KIF13A: variants seen among roughly 807,000 people sequenced by gnomAD.
KIF13A encodes the protein kinesin family member 13A.
A neutral mutation model predicts 212.2 loss-of-function variants in KIF13A; 79 were observed. That is an observed-to-expected ratio of 0.37 (90% confidence interval 0.31 to 0.45). The LOEUF (loss-of-function observed/expected upper bound fraction) is 0.45, where lower values mean the gene tolerates loss of function less well. Ranked by LOEUF, KIF13A falls within the 20% of genes least tolerant of loss-of-function variation. The pLI is 1.00. For synonymous variants in KIF13A, 789 were observed against 808.6 expected (o/e 0.98, Z 0.41); for missense variants, 1,901 against 2,209.0 (o/e 0.86, Z 2.79).
intron 2 of KIF13A, among the ~76,000 whole-genome samples, chr6:17,910,985 G>C (rs999633651): frequency 6.6e-6 from 1 of 152,030 alleles, no homozygotes; most frequent in Non-Finnish European, 1.5e-5. Flanking sequence ...GGATGGTCTC[G>C]ATCTCCCGAC....
intron 2 of KIF13A, among the ~76,000 whole-genome samples, chr6:17,983,511 G>A (rs921580474): frequency 2.5e-5 from 1 of 39,994 alleles, no homozygotes; most frequent in Non-Finnish European, 4.8e-5. Flanking sequence ...TTTTTTTTTT[G>A]AGATGCAGTC....
At chr6:17,980,275 T>G (rs762650079) in intron 2 of KIF13A, among the ~76,000 whole-genome samples, 1 of 152,026 alleles carries the variant, frequency 6.6e-6, no homozygotes, top group Admixed American at 6.6e-5. Context: ...ATAAGGTGAG[T>G]AGGTAGAATT....
rs1761323440 is a variant in KIF13A at position 17,789,162 on chromosome 6, C to T, written c.3261+710G>A. On this transcript the variant is annotated intron_variant, in intron 26 of 38. Coordinates refer to ENST00000259711, the MANE Select transcript of KIF13A (RefSeq NM_022113.6). The surrounding 1 kb of genome is among the most constrained non-coding windows in gnomAD (Gnocchi z 4.8). The stretch of plus-strand genomic sequence containing the variant: ...TGCTGCTTTGACTATTTGTACGTAA[C>T]CCCACACTCCATGATATCAGGCCAG... Among the ~76,000 whole-genome samples the T allele has an allele frequency of 6.6e-6, 1 of 152,182 alleles. No individual in the cohort carries two copies. Among genetic ancestry groups the T allele is most frequent in the African/African-American group, 2.4e-5 (1 of 41,450 alleles).
At chr6:17,792,196 C>CAA (rs10666115) in intron 25 of KIF13A, among the ~76,000 whole-genome samples, 38,328 of 74,966 alleles carry the variant, frequency 0.51, 10,349 homozygotes, top group East Asian at 0.68. Context: ...GAGTGAGACT[C>CAA]AAAAAAAAAA....
In KIF13A at chr6:17,837,186, A is replaced by G; in HGVS notation, c.943-96T>C. ...TGTGTTAGGTATGACATTATTCTCT[A>G]TGAAGGAAACATTATGTGGAAATGG... is the stretch of plus-strand genomic sequence containing the variant. On this transcript the variant is annotated intron_variant, in intron 10 of 38. Coordinates refer to ENST00000259711, the MANE Select transcript of KIF13A (RefSeq NM_022113.6). This position sits in a 1 kb window ranked among gnomAD's most constrained non-coding sequence, Gnocchi z 5.4. 3 of 1,065,088 alleles carry G rather than the reference A, an allele frequency of 2.8e-6. No homozygotes were observed. The East Asian group carries it at 7.1e-5, about 25-fold the overall frequency. 66.0% of individuals were successfully genotyped at this position (1,065,088 alleles called of 1,614,324 possible). A position where few individuals can be genotyped will look rare whatever the true frequency, so the allele number is the denominator to read the frequency against.
At chr6:17,808,657 T>A in intron 18 of KIF13A, 111 bp downstream of exon 18, 1 of 951,452 alleles carries the variant, frequency 1.1e-6, no homozygotes, top group South Asian at 2.0e-5. Flanking sequence ...TAAACATCTC[T>A]GGCTGATATC....
intron 2 of KIF13A, among the ~76,000 whole-genome samples, chr6:17,962,181 C>T (rs1341831716): frequency 6.6e-6 from 1 of 151,906 alleles, no homozygotes; most frequent in East Asian, 1.9e-4. Flanking sequence ...CGTGGTGGGG[C>T]GTGCCTGTAA....
At chr6:17,917,194 G>A (rs1387869930) in intron 2 of KIF13A, among the ~76,000 whole-genome samples, 1 of 151,766 alleles carries the variant, frequency 6.6e-6, no homozygotes, top group Admixed American at 6.6e-5. Flanking sequence ...AAACGGAGGG[G>A]GAACTAACAT....
At position 17,984,429 on chromosome 6, in the gene KIF13A, T is replaced by G. The variant is rs1781373271; in HGVS notation, c.146+2625A>C. The G allele has an allele frequency of 1.5e-6, 1 of 671,670 alleles. No individual in the cohort carries two copies. The allele number at this position is 671,670 out of a possible 1,614,324, so 41.6% of individuals were successfully genotyped here. A position where few individuals can be genotyped will look rare whatever the true frequency, so the allele number is the denominator to read the frequency against. ...AATGGTGATCAGTATACATATCAAC[T>G]ACTAACCTGGACCTATGCAATGTAT... On this transcript the variant is annotated intron_variant, in intron 2 of 38. Transcript: ENST00000259711. The surrounding 1 kb of genome is among the most constrained non-coding windows in gnomAD (Gnocchi z 5.0).
chr6:17,972,533 G>A (rs953306646), intron 2 of KIF13A, among the ~76,000 whole-genome samples: 1 of 152,160 alleles, frequency 6.6e-6, no homozygotes, highest in Non-Finnish European at 1.5e-5. Context: ...ATGTAAGTAT[G>A]TTTAAAGGCT....
Position 17,796,822 on chromosome 6 carries a change from T to C in KIF13A, c.2791-2A>G. The C allele has an allele frequency of 6.7e-7, 1 of 1,494,658 alleles. No homozygotes were observed. Among genetic ancestry groups the C allele is most frequent in the East Asian group, 2.5e-5 (1 of 39,352 alleles). The allele number at this position is 1,494,658 out of a possible 1,614,324, so 92.6% of individuals were successfully genotyped here. A position where few individuals can be genotyped will look rare whatever the true frequency, so the allele number is the denominator to read the frequency against. ...TTCTGTTACATTCACCACATAGTCC[T>C]GGGATAAGTGGGGGAAAGCAAAAGA... On this transcript the variant is annotated splice_acceptor_variant, in intron 22 of 38. Transcript: ENST00000259711. LOFTEE classifies it high-confidence loss of function.
chr6:17,821,984 C>T, intron 16 of KIF13A: 1 of 1,459,580 alleles, frequency 6.9e-7, no homozygotes, highest in Non-Finnish European at 9.2e-7. Flanking sequence ...TGTGTGTATG[C>T]CCCAAAGGGA....
chr6:17,965,654 A>G (rs1779235489), intron 2 of KIF13A, among the ~76,000 whole-genome samples: 1 of 152,222 alleles, frequency 6.6e-6, no homozygotes, highest in African/African-American at 2.4e-5. Flanking sequence ...AGCAATAAAG[A>G]TATGTGTGAT....
intron 2 of KIF13A, among the ~76,000 whole-genome samples, chr6:17,923,922 G>C (rs573399772): frequency 6.6e-6 from 1 of 152,008 alleles, no homozygotes; most frequent in Non-Finnish European, 1.5e-5. Context: ...GTATTTACAT[G>C]ATCAGCCCTC....
At position 17,773,182 on chromosome 6, in the gene KIF13A, T is replaced by C. The variant is rs1394181823; in HGVS notation, c.4324+296A>G. Among the ~76,000 whole-genome samples, 1 of 152,164 alleles carries C rather than the reference T, an allele frequency of 6.6e-6. No individual in the cohort carries two copies. Among genetic ancestry groups the C allele is most frequent in the African/African-American group, 2.4e-5 (1 of 41,438 alleles). ...ATATTCTGGTAGAAAATAATAGGATTTGTATGTGTCTCAAAACTGGACTTG... is the reference window on the plus strand; with the variant it reads ...ATATTCTGGTAGAAAATAATAGGATCTGTATGTGTCTCAAAACTGGACTTG... On this transcript the variant is annotated intron_variant, in intron 36 of 38. Transcript: ENST00000259711. This position sits in a 1 kb window ranked among gnomAD's most constrained non-coding sequence, Gnocchi z 4.2.
At position 17,975,224 on chromosome 6, in the gene KIF13A, G is replaced by A. The variant is rs530192038; in HGVS notation, c.146+11830C>T. Among the ~76,000 whole-genome samples, 6 of 152,286 alleles carry A rather than the reference G, an allele frequency of 3.9e-5. No individual in the cohort carries two copies. In the East Asian group the frequency reaches 9.6e-4, roughly 24 times the overall value. ...AAAAAACTAGCAGGCGGGGTGGCAG[G>A]TTTCTGTAATCCCAGCTACTCGGAA... On this transcript the variant is annotated intron_variant, in intron 2 of 38. Transcript: ENST00000259711.
intron 26 of KIF13A, among the ~76,000 whole-genome samples, chr6:17,788,501 A>G (rs1302609238): frequency 1.3e-5 from 2 of 152,214 alleles, no homozygotes; most frequent in East Asian, 3.9e-4. Flanking sequence ...TGTGCCAGGA[A>G]GCGCACAAAC....
intron 6 of KIF13A, among the ~76,000 whole-genome samples, chr6:17,852,283 C>G (rs1406961054): frequency 6.6e-6 from 1 of 152,136 alleles, no homozygotes; most frequent in Non-Finnish European, 1.5e-5. Flanking sequence ...TATCTCTAGT[C>G]ACAAACCTTC....
Position 17,855,353 on chromosome 6 carries a change from G to T in KIF13A, c.494+84C>A, listed in dbSNP as rs181786336. On this transcript the variant is annotated intron_variant, in intron 6 of 38. Transcript: ENST00000259711. This position sits in a 1 kb window ranked among gnomAD's most constrained non-coding sequence, Gnocchi z 4.1. ...GTGTAGTCACCAAGAGCTTAAATAC[G>T]TATATTCACTTCCAATTTTAACTTT... is the stretch of plus-strand genomic sequence containing the variant. The T allele has an allele frequency of 9.7e-7, 1 of 1,028,586 alleles. No individual in the cohort carries two copies. The highest frequency in any genetic ancestry group is 1.6e-5 in the African/African-American group (1 of 62,312). The allele number at this position is 1,028,586 out of a possible 1,614,324, so 63.7% of individuals were successfully genotyped here.
Sources: allele counts gnomAD v4.1 joint callset (sites outside exome capture counted in the v4.1 genomes callset), GRCh38; gene constraint gnomAD v4.1.1; non-coding constraint Gnocchi (gnomAD v3.1); transcripts MANE v1.5; gene names NCBI Gene and HGNC (gene_info 2026-07-23, HGNC 2026-07-21).